The following KMT2C variants were observed in gnomAD, a reference collection of about 807,000 sequenced individuals.
KMT2C encodes the protein histone-lysine N-methyltransferase 2C.
In KMT2C, 88 loss-of-function variants were observed where a neutral mutation model predicts 507.9. The observed-to-expected ratio is 0.17, with a 90% CI of 0.15 to 0.21. KMT2C has a LOEUF of 0.21. Among genes scored for constraint, KMT2C ranks in the 10% least tolerant of loss-of-function variants. The probability of loss-of-function intolerance (pLI) is 1.00; values close to 1 mark genes in which losing one functional copy is unlikely to be tolerated. For synonymous variants in KMT2C, 2,049 were observed against 2,080.8 expected (o/e 0.98, Z 0.42); for missense variants, 4,954 against 5,957.8 (o/e 0.83, Z 5.55).
chr7:152,353,350 G>C (rs1203559852), intron 2 of KMT2C, among the ~76,000 whole-genome samples: 1 of 152,162 alleles, frequency 6.6e-6, no homozygotes. Flanking sequence ...CTTGAACCCG[G>C]GAGGCAGAGG....
chr7:152,330,678 T>C lies in KMT2C; in HGVS notation c.312A>G (p.Leu104=), dbSNP rs766374869. ...AEAEVDNSKQ[L]IPTLQRSVSE... Reference sequence around the variant, plus strand: ...ACACAGATCGCTGAAGAGTTGGAATTAGCTGTTTGCTGTTATCCACTTCTG... The same window carrying C: ...ACACAGATCGCTGAAGAGTTGGAATCAGCTGTTTGCTGTTATCCACTTCTG... The change falls in exon 3 of 59, where the codon CTA becomes CTG. Residue 104 remains leucine (L), a synonymous_variant. Coordinates refer to ENST00000262189, the MANE Select transcript of KMT2C (RefSeq NM_170606.3). The C allele has an allele frequency of 6.2e-7, 1 of 1,614,036 alleles. No individual in the cohort carries two copies. The highest frequency in any genetic ancestry group is 8.5e-7 in the Non-Finnish European group (1 of 1,179,870).
At chr7:152,337,731 A>G (rs1011528960) in intron 2 of KMT2C, among the ~76,000 whole-genome samples, 1 of 152,148 alleles carries the variant, frequency 6.6e-6, no homozygotes, top group Non-Finnish European at 1.5e-5. Flanking sequence ...AAAAAAAAGA[A>G]CGCATGAAAA....
chr7:152,348,637 GA>G (rs1161644073), intron 2 of KMT2C, among the ~76,000 whole-genome samples: 1 of 114,502 alleles, frequency 8.7e-6, no homozygotes, highest in African/African-American at 3.2e-5. Context: ...AAGAAAGAAA[GA>G]AAAAAAGCAT....
intron 1 of KMT2C, among the ~76,000 whole-genome samples, chr7:152,397,917 C>T (rs2116589600): frequency 6.6e-6 from 1 of 152,268 alleles, no homozygotes; most frequent in Admixed American, 6.5e-5. Flanking sequence ...ATTACCCAGC[C>T]TTGGGTATGT....
chr7:152,250,959 GT>G lies in KMT2C; in HGVS notation c.1628del (p.Asn543ThrfsTer69). 1 of 1,562,728 alleles carries G rather than the reference GT, an allele frequency of 6.4e-7. No homozygotes were observed. Among genetic ancestry groups the G allele is most frequent in the Non-Finnish European group, 8.8e-7 (1 of 1,134,880 alleles). Reference sequence around the variant, plus strand: ...CAGGGCCTTCAACTTCCATTTCATTGTTATAATCTTAACAAAAAATTATTAA... The same window carrying G: ...CAGGGCCTTCAACTTCCATTTCATTGTATAATCTTAACAAAAAATTATTAA... ...VEIAELTTDY[N>X]NEMEVEGPED... On this transcript the variant is annotated frameshift_variant, in exon 12 of 59. Coordinates refer to ENST00000262189, the MANE Select transcript of KMT2C (RefSeq NM_170606.3). LOFTEE classifies it high-confidence loss of function.
chr7:152,142,295 G>A (rs1476323317), intron 55 of KMT2C, among the ~76,000 whole-genome samples: 1 of 152,230 alleles, frequency 6.6e-6, no homozygotes, highest in Admixed American at 6.5e-5. Flanking sequence ...ATTCTGAATA[G>A]TGTAAACTGC....
At chr7:152,229,587 A>G (rs993799091) in intron 18 of KMT2C, among the ~76,000 whole-genome samples, 2 of 152,208 alleles carry the variant, frequency 1.3e-5, no homozygotes, top group African/African-American at 4.8e-5. Flanking sequence ...ATAATTTTTT[A>G]CTAAATATTC....
intron 37 of KMT2C, among the ~76,000 whole-genome samples, chr7:152,179,586 T>C (rs2093354179): frequency 6.8e-6 from 1 of 147,378 alleles, no homozygotes; most frequent in South Asian, 2.1e-4. Context: ...TAGAAAGCAG[T>C]AACAGCTTCC....
rs778808532 is a variant in KMT2C at position 152,163,604 on chromosome 7, T to A, written c.9973A>T (p.Ser3325Cys). The A allele has an allele frequency of 3.7e-6, 6 of 1,606,710 alleles. No individual in the cohort carries two copies. The Admixed American group carries it at 1.0e-4, about 27-fold the overall frequency. Residue 3325 changes from serine to cysteine, a missense_variant, in exon 43 of 59, where the codon AGC (serine) becomes TGC (cysteine). By Grantham distance (112) the Ser-to-Cys change is moderately radical. Around this residue, in one of 29 missense-constraint regions of KMT2C, gnomAD observed 801 missense variants for 751.2 expected, o/e 1.07. Coordinates refer to ENST00000262189, the MANE Select transcript of KMT2C (RefSeq NM_170606.3). The stretch of plus-strand genomic sequence containing the variant: ...GGTAAACTGGGCATTCTAACAGGGC[T>A]AGTATGGCCAGAAATAACTGTTGTG... Reference protein sequence around the residue: ...QHTTVISGHTSPVRMPSLPGW... With the variant: ...QHTTVISGHTCPVRMPSLPGW...
At chr7:152,364,928 CAG>C (rs2097227734) in intron 1 of KMT2C, among the ~76,000 whole-genome samples, 1 of 137,242 alleles carries the variant, frequency 7.3e-6, no homozygotes, top group Admixed American at 7.6e-5. Context: ...AAATCTGAAA[CAG>C]ACAGACACAC....
At chr7:152,172,739 G>T (rs904558555) in intron 39 of KMT2C, among the ~76,000 whole-genome samples, 4 of 152,094 alleles carry the variant, frequency 2.6e-5, no homozygotes, top group Non-Finnish European at 4.4e-5. Flanking sequence ...GCATTTCCTT[G>T]TTTTGAATAT....
In KMT2C at chr7:152,223,126, C is replaced by T. The variant is rs186217070; in HGVS notation, c.3324-444G>A. The stretch of plus-strand genomic sequence containing the variant: ...GGAAATTAAGTAAAAAGTTGTCTTG[C>T]AATGGAACAAATAATTAGTAGCCAG... On this transcript the variant is annotated intron_variant, in intron 20 of 58. Coordinates refer to ENST00000262189, the MANE Select transcript of KMT2C (RefSeq NM_170606.3). 2.5e-3 allele frequency among the ~76,000 whole-genome samples: 379 copies of T among 152,198 alleles called. 4 individuals carry two copies. The highest frequency in any genetic ancestry group is 8.5e-3 in the African/African-American group (353 of 41,514).
chr7:152,265,258 T>C lies in KMT2C; in HGVS notation c.1013-49A>G, dbSNP rs771096697. On this transcript the variant is annotated intron_variant, in intron 7 of 58. Transcript: ENST00000262189. ...AAATTGTTGTATAAGAATTTAAATTTTTTCTGACTATACAGTAAAATCATT... is the reference window on the plus strand; with the variant it reads ...AAATTGTTGTATAAGAATTTAAATTCTTTCTGACTATACAGTAAAATCATT... The C allele has an allele frequency of 4.4e-6, 7 of 1,603,092 alleles. 1 individual carries two copies. In the South Asian group the frequency reaches 7.7e-5, roughly 18 times the overall value.
intron 10 of KMT2C, 37 bp from the exon 11 acceptor site, chr7:152,252,127 C>T: frequency 3.4e-6 from 5 of 1,482,518 alleles, no homozygotes; most frequent in Non-Finnish European, 4.6e-6. Flanking sequence ...AAATTTCTAA[C>T]ATCGAGTTAT....
chr7:152,433,496 C>A lies in KMT2C; in HGVS notation c.161+2130G>T, dbSNP rs2097884538. Among the ~76,000 whole-genome samples the A allele has an allele frequency of 9.9e-5, 15 of 152,260 alleles. No individual in the cohort carries two copies. In the South Asian group the frequency reaches 3.1e-3, roughly 32 times the overall value. On this transcript the variant is annotated intron_variant, in intron 1 of 58. Transcript: ENST00000262189. Reference sequence around the variant, plus strand: ...GCTAAAAACAACTGGAGATTCCATTCCCTTCAAAAGACACAATTTCAAAAA... The same window carrying A: ...GCTAAAAACAACTGGAGATTCCATTACCTTCAAAAGACACAATTTCAAAAA...
chr7:152,289,597 A>C (rs2096371530), intron 6 of KMT2C, among the ~76,000 whole-genome samples: 1 of 152,230 alleles, frequency 6.6e-6, no homozygotes, highest in African/African-American at 2.4e-5. Flanking sequence ...TTTCTTGAAA[A>C]AAGGAATAAA....
intron 22 of KMT2C, among the ~76,000 whole-genome samples, chr7:152,221,095 A>G (rs529044924): frequency 1.3e-5 from 2 of 152,276 alleles, no homozygotes; most frequent in African/African-American, 4.8e-5. Context: ...GTCTCTTCTA[A>G]AAATACAACA....
At chr7:152,379,998 C>T (rs1429176059) in intron 1 of KMT2C, among the ~76,000 whole-genome samples, 2 of 152,366 alleles carry the variant, frequency 1.3e-5, no homozygotes, top group Non-Finnish European at 2.9e-5. Flanking sequence ...TTTGGGAGGC[C>T]GAGGCAGGCG....
chr7:152,428,783 A>C (rs1159331223), intron 1 of KMT2C, among the ~76,000 whole-genome samples: 1 of 152,126 alleles, frequency 6.6e-6, no homozygotes, highest in Non-Finnish European at 1.5e-5. Context: ...CAAGGCTGTT[A>C]TTATTTCCCA....
Sources: gnomAD v4.1 joint callset for allele counts (sites outside exome capture counted in the v4.1 genomes callset) on GRCh38, gnomAD v4.1.1 for gene constraint, gnomAD v4.1.1 regional missense constraint, MANE v1.5 for transcripts, NCBI Gene and HGNC (gene_info 2026-07-23, HGNC 2026-07-21) for gene names.